Variants in PCDH15 observed in about 807,000 individuals in gnomAD.
PCDH15 encodes the protein protocadherin-15.
Under a neutral mutation model 178.5 loss-of-function variants are expected in PCDH15, and 129 were observed. The ratio of observed to expected loss-of-function variants is 0.72; its 90% CI spans 0.63 to 0.84. The LOEUF is 0.84. Ranked by LOEUF, PCDH15 falls within the 40% of genes least tolerant of loss-of-function variation. PCDH15 has a pLI of 0.00. For synonymous variants in PCDH15, 800 were observed against 732.0 expected (o/e 1.09, Z -1.50); for missense variants, 2,230 against 2,099.9 (o/e 1.06, Z -1.21).
intron 2 of PCDH15, among the ~76,000 whole-genome samples, chr10:55,528,037 A>T (rs951947583): frequency 1.6e-4 from 24 of 150,866 alleles, no homozygotes; most frequent in East Asian, 3.9e-4. Flanking sequence ...TTTTACAAAA[A>T]TTTTTTTTTA....
rs112927953 is a variant in PCDH15, at chr10:54,022,118, CT to C, written c.2526+773del. 1.9e-3 allele frequency among the ~76,000 whole-genome samples: 278 copies of C among 144,904 alleles called. 3 individuals are homozygous for C. In the East Asian group the frequency reaches 0.033, roughly 17 times the overall value. On this transcript the variant is annotated intron_variant, in intron 19 of 37. Transcript: ENST00000644397. ...TGGACTGCAGGTGGAAAAATGGCTA[CT>C]TTTTTTTTTTTCCAAAACATACCTT...
At chr10:53,808,018 AGTTT>A (rs2075720058) in intron 37 of PCDH15, 1 of 152,058 alleles carries the variant, frequency 6.6e-6, no homozygotes. Flanking sequence ...TCAAAATTAT[AGTTT>A]ATTTACCTAG....
At chr10:54,503,278 T>C (rs929455327) in intron 3 of PCDH15, among the ~76,000 whole-genome samples, 4 of 141,194 alleles carry the variant, frequency 2.8e-5, no homozygotes, top group Non-Finnish European at 4.6e-5. Context: ...TATATATATT[T>C]ATATATAATA....
intron 2 of PCDH15, among the ~76,000 whole-genome samples, chr10:55,397,838 C>T (rs1837967042): frequency 6.6e-6 from 1 of 152,220 alleles, no homozygotes; most frequent in Admixed American, 6.5e-5. Context: ...ATCCGCCCGC[C>T]TCGGCCTCTC....
intron 3 of PCDH15, among the ~76,000 whole-genome samples, chr10:54,424,113 A>G (rs535465333): frequency 6.6e-6 from 1 of 152,088 alleles, no homozygotes; most frequent in African/African-American, 2.4e-5. Flanking sequence ...CAATCTACTT[A>G]TCTGACAAAG....
At chr10:54,977,076 G>A (rs1038029624) in intron 2 of PCDH15, among the ~76,000 whole-genome samples, 1 of 152,126 alleles carries the variant, frequency 6.6e-6, no homozygotes, top group Non-Finnish European at 1.5e-5. Flanking sequence ...TTGCACAACT[G>A]CTTTAAGAGT....
At chr10:54,525,977 T>A (rs557934229) in intron 3 of PCDH15, among the ~76,000 whole-genome samples, 1 of 152,368 alleles carries the variant, frequency 6.6e-6, no homozygotes, top group African/African-American at 2.4e-5. Context: ...CTTCTTGTGA[T>A]GACTTAAATA....
intron 1 of PCDH15, among the ~76,000 whole-genome samples, chr10:54,788,419 A>G (rs1951090645): frequency 6.6e-6 from 1 of 151,932 alleles, no homozygotes; most frequent in South Asian, 2.1e-4. Flanking sequence ...ATGGAATAAA[A>G]TTTGGAGATG....
chr10:54,421,287 A>T (rs1483692499), intron 3 of PCDH15, among the ~76,000 whole-genome samples: 1 of 151,856 alleles, frequency 6.6e-6, no homozygotes, highest in Non-Finnish European at 1.5e-5. Flanking sequence ...TATGAAATAC[A>T]TTAAGAAATA....
intron 2 of PCDH15, among the ~76,000 whole-genome samples, chr10:54,576,080 CTAAG>C (rs1394404229): frequency 3.3e-5 from 5 of 152,086 alleles, no homozygotes; most frequent in African/African-American, 1.2e-4. Context: ...CTCTATTCTT[CTAAG>C]TGAGTTGGTT....
At position 54,437,826 on chromosome 10, in the gene PCDH15, G is replaced by T. The variant is rs73255911; in HGVS notation, c.158-58884C>A. Among the ~76,000 whole-genome samples, 1,177 of 152,138 alleles carry T rather than the reference G, an allele frequency of 7.7e-3. 16 individuals carry two copies. Among genetic ancestry groups the T allele is most frequent in the African/African-American group, 0.027 (1,109 of 41,494 alleles). ...TTTATTTTTATAATTCTCTATAACA[G>T]GTTTATCAGTCAAATTTATTGGTTA... is the stretch of plus-strand genomic sequence containing the variant. On this transcript the variant is annotated intron_variant, in intron 3 of 37. Coordinates refer to ENST00000644397, the MANE Select transcript of PCDH15 (RefSeq NM_001384140.1).
At chr10:55,612,713 G>C (rs1194967464) in intron 2 of PCDH15, among the ~76,000 whole-genome samples, 1 of 152,128 alleles carries the variant, frequency 6.6e-6, no homozygotes, top group Non-Finnish European at 1.5e-5. Context: ...CAGAATAGCA[G>C]AATGGTACCA....
At chr10:54,555,788 G>A (rs200654770) in intron 2 of PCDH15, among the ~76,000 whole-genome samples, 10 of 79,280 alleles carry the variant, frequency 1.3e-4, no homozygotes, top group Admixed American at 1.6e-4. Flanking sequence ...GGAAAAAAAA[G>A]AATCACCCAT....
chr10:54,576,948 AT>A (rs11318409), intron 2 of PCDH15, among the ~76,000 whole-genome samples: 144,659 of 152,122 alleles, frequency 0.95, 68,910 homozygotes, highest in Middle Eastern at 0.98. Flanking sequence ...CCACCAAGTT[AT>A]TTTTTTTTAC....
intron 29 of PCDH15, among the ~76,000 whole-genome samples, chr10:53,837,297 A>C (rs910960536): frequency 6.6e-6 from 1 of 152,178 alleles, no homozygotes; most frequent in Non-Finnish European, 1.5e-5. Context: ...AGAGTTGAGA[A>C]CTACAAGGAT....
At chr10:54,041,581 T>C (rs1332176822) in intron 18 of PCDH15, among the ~76,000 whole-genome samples, 1 of 152,086 alleles carries the variant, frequency 6.6e-6, no homozygotes, top group Admixed American at 6.6e-5. Context: ...CAGCAGGACT[T>C]TTAACCCGGC....
At chr10:54,732,675 T>C (rs1237315901) in intron 1 of PCDH15, among the ~76,000 whole-genome samples, 1 of 151,652 alleles carries the variant, frequency 6.6e-6, no homozygotes, top group Admixed American at 6.6e-5. Flanking sequence ...GTAACAACTC[T>C]CACCTGATTT....
intron 1 of PCDH15, among the ~76,000 whole-genome samples, chr10:55,263,911 T>A (rs1316288682): frequency 1.3e-5 from 2 of 151,900 alleles, no homozygotes; most frequent in Non-Finnish European, 2.9e-5. Context: ...ATTTTTTGTA[T>A]TTTTAGTAAA....
At chr10:54,202,695 C>T in intron 10 of PCDH15, among the ~76,000 whole-genome samples, 1 of 151,866 alleles carries the variant, frequency 6.6e-6, no homozygotes, top group South Asian at 2.1e-4. Flanking sequence ...GCCTGTAATG[C>T]CAGCTACTCG....
Sources: gnomAD v4.1 joint callset for allele counts (sites outside exome capture counted in the v4.1 genomes callset) on GRCh38, gnomAD v4.1.1 for gene constraint, MANE v1.5 for transcripts, NCBI Gene and HGNC (gene_info 2026-07-23, HGNC 2026-07-21) for gene names.